Variants in RASGRF2 observed in about 807,000 individuals in gnomAD.
RASGRF2 encodes ras-specific guanine nucleotide-releasing factor 2.
A neutral mutation model predicts 151.0 loss-of-function variants in RASGRF2; 76 were observed. The ratio of observed to expected loss-of-function variants is 0.50; its 90% CI spans 0.42 to 0.61. RASGRF2 has a LOEUF of 0.61. Among genes scored for constraint, RASGRF2 ranks in the 20% least tolerant of loss-of-function variants. The probability of loss-of-function intolerance (pLI) is 0.00; values close to 1 mark genes in which losing one functional copy is unlikely to be tolerated. For synonymous variants in RASGRF2, 504 were observed against 566.5 expected (o/e 0.89, Z 1.57); for missense variants, 1,148 against 1,564.6 (o/e 0.73, Z 4.49).
intron 5 of RASGRF2, among the ~76,000 whole-genome samples, 168 bp downstream of exon 5, chr5:81,073,620 A>AT (rs564343104): frequency 3.9e-4 from 59 of 151,904 alleles, no homozygotes; most frequent in African/African-American, 1.3e-3. Flanking sequence ...ATTTTATTTT[A>AT]TTTATTTATT....
rs1247738300 is a variant in RASGRF2, at chr5:81,228,507, T to C, written c.*2737T>C. The C allele has an allele frequency of 6.6e-6, 1 of 152,242 alleles. No individual in the cohort carries two copies. The highest frequency in any genetic ancestry group is 2.4e-5 in the African/African-American group (1 of 41,466). 9.4% of individuals were successfully genotyped at this position (152,242 alleles called of 1,614,324 possible). ...AGCTGCATCTGCCTCTAGTCCATTATGGAGACCCATTTCTAAGAGGAGATG... is the reference window on the plus strand; with the variant it reads ...AGCTGCATCTGCCTCTAGTCCATTACGGAGACCCATTTCTAAGAGGAGATG... On this transcript the variant is annotated 3_prime_UTR_variant, in exon 27 of 27. Transcript: ENST00000265080.
chr5:81,158,253 G>T (rs1453177976), intron 17 of RASGRF2, among the ~76,000 whole-genome samples: 1 of 152,164 alleles, frequency 6.6e-6, no homozygotes, highest in East Asian at 1.9e-4. Flanking sequence ...TTCTGTAAAG[G>T]TATCAGTGTA....
chr5:81,180,600 TG>T (rs1754893464), intron 18 of RASGRF2, among the ~76,000 whole-genome samples: 1 of 152,046 alleles, frequency 6.6e-6, no homozygotes, highest in African/African-American at 2.4e-5. Flanking sequence ...CCACCTACCC[TG>T]GGAGCACTTT....
intron 25 of RASGRF2, 39 bp from the exon 26 acceptor site, chr5:81,219,671 T>G: frequency 6.6e-7 from 1 of 1,525,162 alleles, no homozygotes; most frequent in Non-Finnish European, 9.1e-7. Context: ...TTTCTTTGCT[T>G]TTGTTGTTGT....
intron 2 of RASGRF2, among the ~76,000 whole-genome samples, chr5:81,054,047 T>A (rs1228487796): frequency 1.3e-5 from 2 of 152,234 alleles, no homozygotes; most frequent in Admixed American, 6.5e-5. Context: ...ATGAGTAGAT[T>A]GAAAAAATTT....
chr5:81,036,941 A>G (rs1239484574), intron 1 of RASGRF2, among the ~76,000 whole-genome samples: 2 of 152,218 alleles, frequency 1.3e-5, no homozygotes, highest in African/African-American at 4.8e-5. Flanking sequence ...GAGACTGGGT[A>G]ATTTACAAAG....
chr5:81,198,957 A>T (rs976191477), intron 18 of RASGRF2, among the ~76,000 whole-genome samples: 3 of 152,146 alleles, frequency 2.0e-5, no homozygotes, highest in Non-Finnish European at 4.4e-5. Flanking sequence ...TGGTAGTTCT[A>T]TTTTTAGTTC....
intron 18 of RASGRF2, among the ~76,000 whole-genome samples, chr5:81,182,598 T>G (rs1029682793): frequency 3.3e-5 from 5 of 152,172 alleles, no homozygotes; most frequent in African/African-American, 1.2e-4. Context: ...AATGGGTGGT[T>G]TGAGCAAGTC....
At chr5:81,113,144 CTT>C (rs11421444) in intron 14 of RASGRF2, among the ~76,000 whole-genome samples, 1 of 146,678 alleles carries the variant, frequency 6.8e-6, no homozygotes, top group Admixed American at 6.8e-5. Context: ...TTCTTTCTTT[CTT>C]TTTTTTTTTG....
intron 1 of RASGRF2, among the ~76,000 whole-genome samples, chr5:80,971,732 A>AT (rs991834007): frequency 8.1e-5 from 12 of 147,736 alleles, no homozygotes; most frequent in South Asian, 2.2e-4. Context: ...TGCCTGGCTA[A>AT]TTTTTTTTTT....
At chr5:80,962,365 T>C (rs910266889) in intron 1 of RASGRF2, among the ~76,000 whole-genome samples, 4 of 152,060 alleles carry the variant, frequency 2.6e-5, no homozygotes, top group African/African-American at 9.7e-5. Context: ...AGAATTTAAA[T>C]TGGGAGAAGA....
At chr5:81,018,270 T>A (rs1047879813) in intron 1 of RASGRF2, among the ~76,000 whole-genome samples, 6 of 151,466 alleles carry the variant, frequency 4.0e-5, no homozygotes, top group African/African-American at 1.5e-4. Context: ...GGAGTAGAAG[T>A]GTGAGGAGAA....
chr5:80,990,318 G>A (rs912921591), intron 1 of RASGRF2, among the ~76,000 whole-genome samples: 7 of 151,668 alleles, frequency 4.6e-5, no homozygotes, highest in Admixed American at 6.6e-5. Flanking sequence ...TGATTTCCAC[G>A]TTCTGTAGGA....
intron 23 of RASGRF2, among the ~76,000 whole-genome samples, chr5:81,214,378 G>T (rs1447027150): frequency 6.6e-6 from 1 of 152,202 alleles, no homozygotes; most frequent in African/African-American, 2.4e-5. Context: ...GGTAGGTAGG[G>T]CCTGGTTGCA....
intron 17 of RASGRF2, among the ~76,000 whole-genome samples, chr5:81,168,270 A>G (rs1580375117): frequency 6.9e-6 from 1 of 145,576 alleles, no homozygotes; most frequent in Non-Finnish European, 1.5e-5. Flanking sequence ...CCCTTTATCA[A>G]TCATTCCTAT....
intron 15 of RASGRF2, among the ~76,000 whole-genome samples, chr5:81,116,066 C>CTT (rs575647502): frequency 0.036 from 1,779 of 49,040 alleles, 618 homozygotes; most frequent in Non-Finnish European, 0.053. Context: ...AATGCCATTT[C>CTT]TTTTTTTTTT....
chr5:81,209,834 A>G (rs1312492113), intron 22 of RASGRF2, among the ~76,000 whole-genome samples: 1 of 152,118 alleles, frequency 6.6e-6, no homozygotes, highest in Non-Finnish European at 1.5e-5. Context: ...TCTGCACCCC[A>G]GAGCCGCCAA....
At chr5:81,135,689 A>G (rs1242236429) in intron 17 of RASGRF2, among the ~76,000 whole-genome samples, 1 of 152,192 alleles carries the variant, frequency 6.6e-6, no homozygotes, top group East Asian at 1.9e-4. Flanking sequence ...GAGCTAATGG[A>G]CATTGAGGTT....
intron 2 of RASGRF2, among the ~76,000 whole-genome samples, chr5:81,044,846 T>TACAGAGGAGAAAACAAAAA (rs1292851095): frequency 1.3e-5 from 2 of 152,190 alleles, no homozygotes; most frequent in African/African-American, 4.8e-5. Context: ...TGTTCTATTT[T>TACAGAGGAGAAAACAAAAA]TTTTTTCTTT....
Sources: allele counts gnomAD v4.1 joint callset (sites outside exome capture counted in the v4.1 genomes callset), GRCh38; gene constraint gnomAD v4.1.1; transcripts MANE v1.5; gene names NCBI Gene and HGNC (gene_info 2026-07-23, HGNC 2026-07-21).